Variants in CCDC148 observed in about 807,000 individuals in gnomAD.
CCDC148 encodes the protein coiled-coil domain-containing protein 148.
Under a neutral mutation model 85.7 loss-of-function variants are expected in CCDC148, and 89 were observed. The observed-to-expected ratio is 1.04, with a 90% CI of 0.87 to 1.24. CCDC148 has a LOEUF of 1.24. CCDC148 is among the 50% of genes most tolerant of loss of function. CCDC148 has a pLI of 0.00. For synonymous variants in CCDC148, 230 were observed against 213.9 expected (o/e 1.08, Z -0.66); for missense variants, 692 against 671.7 (o/e 1.03, Z -0.33).
intron 2 of CCDC148, among the ~76,000 whole-genome samples, chr2:158,355,012 G>T (rs934839746): frequency 6.6e-6 from 1 of 152,098 alleles, no homozygotes. Context: ...GAAAAAGCCT[G>T]TGACAAAATT....
chr2:158,216,019 C>T (rs1487899931), intron 11 of CCDC148, among the ~76,000 whole-genome samples: 1 of 152,200 alleles, frequency 6.6e-6, no homozygotes, highest in African/African-American at 2.4e-5. Flanking sequence ...AAATAAATTT[C>T]TGTTGTTCAA....
At chr2:158,266,520 A>G (rs1398190736) in intron 9 of CCDC148, among the ~76,000 whole-genome samples, 1 of 152,122 alleles carries the variant, frequency 6.6e-6, no homozygotes, top group African/African-American at 2.4e-5. Context: ...GTATCTGGCT[A>G]CACGAATAAG....
At chr2:158,424,990 C>T in intron 1 of CCDC148, 1 of 377,770 alleles carries the variant, frequency 2.6e-6, no homozygotes, top group Non-Finnish European at 5.2e-6. Context: ...GATATAGAAG[C>T]TGCAACACCA....
chr2:158,386,316 C>CT (rs1685085615), intron 1 of CCDC148, among the ~76,000 whole-genome samples: 1 of 151,966 alleles, frequency 6.6e-6, no homozygotes, highest in Non-Finnish European at 1.5e-5. Flanking sequence ...TGGTTTCACC[C>CT]TTTTTACCAT....
chr2:158,242,391 G>A (rs1688385629), intron 10 of CCDC148, among the ~76,000 whole-genome samples: 1 of 152,136 alleles, frequency 6.6e-6, no homozygotes, highest in Admixed American at 6.5e-5. Flanking sequence ...CCAGCCACGT[G>A]CAAACTGCTT....
intron 1 of CCDC148, among the ~76,000 whole-genome samples, chr2:158,401,084 C>A (rs192880988): frequency 6.6e-6 from 1 of 152,112 alleles, no homozygotes; most frequent in African/African-American, 2.4e-5. Flanking sequence ...GAAATAGGAA[C>A]GCTTTTACAC....
chr2:158,419,890 C>T (rs1390936671), intron 1 of CCDC148: 1 of 152,056 alleles, frequency 6.6e-6, no homozygotes, highest in African/African-American at 2.4e-5. Flanking sequence ...TTTTCCCACC[C>T]CTAGAAAGGA....
At chr2:158,229,232 C>T (rs1687728000) in intron 10 of CCDC148, among the ~76,000 whole-genome samples, 1 of 152,146 alleles carries the variant, frequency 6.6e-6, no homozygotes, top group South Asian at 2.1e-4. Context: ...GACTCTGTGA[C>T]CAGAACCTGC....
At chr2:158,204,403 A>T (rs923526529) in intron 11 of CCDC148, among the ~76,000 whole-genome samples, 1 of 152,144 alleles carries the variant, frequency 6.6e-6, no homozygotes, top group African/African-American at 2.4e-5. Flanking sequence ...ACACTATGTG[A>T]TTTCCAAGAC....
At chr2:158,206,490 G>C (rs1686252770) in intron 11 of CCDC148, among the ~76,000 whole-genome samples, 1 of 152,204 alleles carries the variant, frequency 6.6e-6, no homozygotes, top group African/African-American at 2.4e-5. Flanking sequence ...GAGATTGATG[G>C]CCCTGCTCAG....
At chr2:158,177,654 T>C (rs1420459850) in intron 12 of CCDC148, among the ~76,000 whole-genome samples, 1 of 152,190 alleles carries the variant, frequency 6.6e-6, no homozygotes, top group East Asian at 1.9e-4. Flanking sequence ...CCATGATATA[T>C]AAGTTGAATA....
chr2:158,418,098 G>GTT (rs544670743), intron 1 of CCDC148, among the ~76,000 whole-genome samples: 2 of 145,242 alleles, frequency 1.4e-5, no homozygotes, highest in South Asian at 2.2e-4. Context: ...TCCCTTGAGT[G>GTT]TTTTTTTTTT....
chr2:158,338,669 A>T, intron 7 of CCDC148, 57 bp downstream of exon 7: 3 of 1,321,284 alleles, frequency 2.3e-6, no homozygotes, highest in Non-Finnish European at 3.2e-6. Context: ...GTGATCCCAA[A>T]CAAAAATAAA....
At chr2:158,176,070 C>G (rs1684566890) in intron 13 of CCDC148, among the ~76,000 whole-genome samples, 1 of 152,046 alleles carries the variant, frequency 6.6e-6, no homozygotes, top group African/African-American at 2.4e-5. Flanking sequence ...ATCATTAGCT[C>G]TGATGTATTA....
chr2:158,233,067 C>A (rs1204231663), intron 10 of CCDC148, among the ~76,000 whole-genome samples: 1 of 152,110 alleles, frequency 6.6e-6, no homozygotes, highest in East Asian at 1.9e-4. Context: ...TAATGGATAT[C>A]CCAATTACTC....
chr2:158,202,465 T>C (rs1346338104), intron 11 of CCDC148, among the ~76,000 whole-genome samples: 1 of 152,208 alleles, frequency 6.6e-6, no homozygotes, highest in East Asian at 1.9e-4. Flanking sequence ...AACCCAAGTA[T>C]GTAAGAATAT....
rs1685725181 is a variant in CCDC148, at chr2:158,197,303, A to G, written c.1371-18307T>C. 3.3e-5 allele frequency among the ~76,000 whole-genome samples: 5 copies of G among 152,262 alleles called. No homozygotes were observed. The South Asian group carries it at 1.0e-3, about 32-fold the overall frequency. ...ACATTTTAATCAATGATCCCACAGA[A>G]GCTGAATTTGAAGGTAGAGAGTCTA... On this transcript the variant is annotated intron_variant, in intron 11 of 13. Transcript: ENST00000283233.
At chr2:158,425,508 C>A (rs916878194) in intron 1 of CCDC148, among the ~76,000 whole-genome samples, 7 of 152,114 alleles carry the variant, frequency 4.6e-5, no homozygotes, top group Non-Finnish European at 8.8e-5. Context: ...TGTTATGACT[C>A]AATGTGGATT....
chr2:158,349,143 T>C (rs1180164317), intron 2 of CCDC148, among the ~76,000 whole-genome samples: 1 of 152,048 alleles, frequency 6.6e-6, no homozygotes, highest in Non-Finnish European at 1.5e-5. Context: ...ATATCAGTAG[T>C]ACAAATCAGA....
Sources: allele counts gnomAD v4.1 joint callset (sites outside exome capture counted in the v4.1 genomes callset), GRCh38; gene constraint gnomAD v4.1.1; transcripts MANE v1.5; gene names NCBI Gene and HGNC (gene_info 2026-07-23, HGNC 2026-07-21).